Variants in ZDHHC20 observed in about 807,000 individuals in gnomAD.
ZDHHC20 encodes zDHHC palmitoyltransferase 20, also known as palmitoyltransferase ZDHHC20.
ZDHHC20 carries 43 observed loss-of-function variants against 57.8 expected under a neutral mutation model. That is an observed-to-expected ratio of 0.74 (90% CI 0.58 to 0.96). ZDHHC20 has a LOEUF of 0.96. Ranked by LOEUF, ZDHHC20 falls within the 40% of genes least tolerant of loss-of-function variation. The pLI, the probability that ZDHHC20 is intolerant of heterozygous loss-of-function variation, is 0.00. For missense variants in ZDHHC20, 391 were observed against 441.1 expected (o/e 0.89, Z 1.02); for synonymous variants, 157 against 153.0 (o/e 1.03, Z -0.19).
intron 9 of ZDHHC20, among the ~76,000 whole-genome samples, chr13:21,386,149 T>C (rs751112737): frequency 6.6e-6 from 1 of 152,148 alleles, no homozygotes; most frequent in Non-Finnish European, 1.5e-5. Context: ...ATCGATGAAC[T>C]TGAAGATACA....
At chr13:21,413,932 A>C (rs1879575581) in intron 3 of ZDHHC20, among the ~76,000 whole-genome samples, 160 bp from the exon 4 acceptor site, 1 of 152,160 alleles carries the variant, frequency 6.6e-6, no homozygotes, top group Non-Finnish European at 1.5e-5. Context: ...ATTTTAACAA[A>C]AACTGTATAC....
At chr13:21,422,652 T>C (rs1412568308) in intron 2 of ZDHHC20, among the ~76,000 whole-genome samples, 1 of 152,226 alleles carries the variant, frequency 6.6e-6, no homozygotes, top group African/African-American at 2.4e-5. Context: ...TATTTTTCAA[T>C]AATTTCAATA....
intron 1 of ZDHHC20, among the ~76,000 whole-genome samples, chr13:21,453,292 T>C (rs150904360): frequency 1.7e-3 from 253 of 152,348 alleles, no homozygotes; most frequent in South Asian, 9.5e-3. Context: ...TTTATGCACC[T>C]AATTACACAG....
At chr13:21,394,446 TC>T (rs1402649015) in intron 7 of ZDHHC20, among the ~76,000 whole-genome samples, 1 of 152,154 alleles carries the variant, frequency 6.6e-6, no homozygotes, top group Non-Finnish European at 1.5e-5. Context: ...TTATTACTTG[TC>T]CCCCTCCTTC....
At chr13:21,436,496 A>T (rs966727138) in intron 1 of ZDHHC20, among the ~76,000 whole-genome samples, 7 of 152,192 alleles carry the variant, frequency 4.6e-5, no homozygotes, top group African/African-American at 1.7e-4. Context: ...CTTTTTCATT[A>T]TCATAATATC....
At chr13:21,455,377 T>G (rs1255320108) in intron 1 of ZDHHC20, among the ~76,000 whole-genome samples, 1 of 152,176 alleles carries the variant, frequency 6.6e-6, no homozygotes, top group Non-Finnish European at 1.5e-5. Flanking sequence ...GATAAAACCT[T>G]GGGAACCAGA....
intron 5 of ZDHHC20, among the ~76,000 whole-genome samples, chr13:21,401,954 G>A (rs1352186709): frequency 6.6e-6 from 1 of 152,020 alleles, no homozygotes; most frequent in Non-Finnish European, 1.5e-5. Context: ...ATCTGGGCTG[G>A]GCACAGTGGC....
chr13:21,381,852 T>C (rs1268278818), intron 10 of ZDHHC20: 1 of 574,366 alleles, frequency 1.7e-6, no homozygotes, highest in African/African-American at 1.8e-5. Context: ...CCATAGGTAG[T>C]ACAAGGACAG....
In ZDHHC20 at chr13:21,382,999, C is replaced by A; in HGVS notation, c.865G>T (p.Gly289Cys). The change falls in exon 10 of 13, where the codon GGT becomes TGT. Residue 289 changes from glycine to cysteine, a missense_variant. This residue lies in a region of ZDHHC20 where 197 missense variants were observed against 220.8 expected (regional missense o/e 0.89). Transcript: ENST00000400590. ...LLPIFSSLGDGCSFPTRLVGM... is the reference protein window; with the variant it reads ...LLPIFSSLGDCCSFPTRLVGM... ...ACAAGGCGAGTTGGAAAACTGCAAC[C>A]ATCACCCAAGCTGCATAATGAAAAA... The A allele has an allele frequency of 1.3e-6, 2 of 1,558,902 alleles. No homozygotes were observed. The highest frequency in any genetic ancestry group is 1.9e-5 in the Admixed American group (1 of 51,876).
intron 9 of ZDHHC20, among the ~76,000 whole-genome samples, chr13:21,387,048 G>A (rs374516116): frequency 6.6e-6 from 1 of 152,082 alleles, no homozygotes; most frequent in African/African-American, 2.4e-5. Flanking sequence ...GATGGAAACT[G>A]GAAAGAAATG....
chr13:21,408,748 T>C (rs1014700219), intron 4 of ZDHHC20, among the ~76,000 whole-genome samples: 6 of 152,194 alleles, frequency 3.9e-5, no homozygotes, highest in Non-Finnish European at 7.4e-5. Context: ...GGCTGTGGGT[T>C]TGTCATAAAT....
At chr13:21,391,006 T>G (rs1481964200) in intron 8 of ZDHHC20, among the ~76,000 whole-genome samples, 1 of 152,068 alleles carries the variant, frequency 6.6e-6, no homozygotes, top group Admixed American at 6.6e-5. Flanking sequence ...AGAACAAACT[T>G]CCTTAAAGCA....
At chr13:21,452,558 A>C (rs1884548415) in intron 1 of ZDHHC20, among the ~76,000 whole-genome samples, 1 of 152,222 alleles carries the variant, frequency 6.6e-6, no homozygotes, top group Non-Finnish European at 1.5e-5. Context: ...GAATAAATAC[A>C]TATATTTTGG....
rs1256769136 is a variant in ZDHHC20 at position 21,374,500 on chromosome 13, G to T, written c.*2196C>A. ...TCCGCCAGCCTTGGCCTCCCAAAGT[G>T]CTGGGATTACAGGCATGAGCCACCA... On this transcript the variant is annotated 3_prime_UTR_variant, in exon 13 of 13. Transcript: ENST00000400590. 2.2e-6 allele frequency: 1 copy of T among 451,474 alleles called. No individual in the cohort carries two copies. The allele number at this position is 451,474 out of a possible 1,614,324, so 28.0% of individuals were successfully genotyped here. A position where few individuals can be genotyped will look rare whatever the true frequency, so the allele number is the denominator to read the frequency against.
chr13:21,400,132 G>A (rs1309996934), intron 7 of ZDHHC20, among the ~76,000 whole-genome samples: 3 of 151,962 alleles, frequency 2.0e-5, no homozygotes, highest in East Asian at 1.9e-4. Flanking sequence ...TAGAATGTGG[G>A]TGAAAATAAT....
chr13:21,422,021 A>G (rs1593243650), intron 2 of ZDHHC20, among the ~76,000 whole-genome samples: 1 of 152,286 alleles, frequency 6.6e-6, no homozygotes, highest in Non-Finnish European at 1.5e-5. Flanking sequence ...TTAGATTTCA[A>G]TTAAAGTACT....
chr13:21,378,456 T>TACC (rs1174934632), intron 12 of ZDHHC20, among the ~76,000 whole-genome samples: 1 of 152,200 alleles, frequency 6.6e-6, no homozygotes, highest in Non-Finnish European at 1.5e-5. Context: ...TTCATTAATT[T>TACC]ACCAACAAAT....
At chr13:21,403,576 G>A (rs1878016420) in intron 4 of ZDHHC20, among the ~76,000 whole-genome samples, 4 of 152,166 alleles carry the variant, frequency 2.6e-5, no homozygotes, top group African/African-American at 7.2e-5. Flanking sequence ...ATAGATAGCA[G>A]GGAAGGAAAC....
At chr13:21,441,968 G>GTA (rs1370787190) in intron 1 of ZDHHC20, among the ~76,000 whole-genome samples, 1 of 152,106 alleles carries the variant, frequency 6.6e-6, no homozygotes, top group Non-Finnish European at 1.5e-5. Context: ...AATAGACATA[G>GTA]TAGGTATCAT....
Sources: gnomAD v4.1 joint callset for allele counts (sites outside exome capture counted in the v4.1 genomes callset) on GRCh38, gnomAD v4.1.1 for gene constraint, gnomAD v4.1.1 regional missense constraint, MANE v1.5 for transcripts, NCBI Gene and HGNC (gene_info 2026-07-23, HGNC 2026-07-21) for gene names.